ZBTB44: variants seen among roughly 807,000 people sequenced by gnomAD.
ZBTB44 encodes zinc finger and BTB domain-containing protein 44.
A neutral mutation model predicts 54.0 loss-of-function variants in ZBTB44; 15 were observed. That is an observed-to-expected ratio of 0.28 (90% CI 0.19 to 0.43). The LOEUF (loss-of-function observed/expected upper bound fraction) is 0.43. Among genes scored for constraint, ZBTB44 ranks in the 20% least tolerant of loss-of-function variants. ZBTB44 has a pLI of 1.00. For synonymous variants in ZBTB44, 230 were observed against 250.1 expected, an observed-to-expected ratio of 0.92 and a Z score of 0.76; for missense variants, 487 against 707.1, an observed-to-expected ratio of 0.69 and a Z score of 3.53.
chr11:130,254,559 A>C (rs1443274182), intron 2 of ZBTB44, among the ~76,000 whole-genome samples: 1 of 152,138 alleles, frequency 6.6e-6, no homozygotes, highest in Admixed American at 6.5e-5. Context: ...GGTGATCATT[A>C]AAAAGTCAGG....
At chr11:130,234,333 A>G (rs1954014545) in intron 5 of ZBTB44, 60 bp from the exon 6 acceptor site, 1 of 1,442,496 alleles carries the variant, frequency 6.9e-7, no homozygotes, top group East Asian at 2.5e-5. Flanking sequence ...ATAGATAAGC[A>G]ACAGTAAAAA....
chr11:130,275,923 G>A (rs984320460), intron 1 of ZBTB44, among the ~76,000 whole-genome samples: 3 of 149,862 alleles, frequency 2.0e-5, no homozygotes, highest in Non-Finnish European at 4.4e-5. Context: ...ACCGCGCCAG[G>A]TCATTTGCAT....
chr11:130,240,896 A>T (rs1429205273), intron 2 of ZBTB44, among the ~76,000 whole-genome samples: 1 of 152,220 alleles, frequency 6.6e-6, no homozygotes, highest in Non-Finnish European at 1.5e-5. Flanking sequence ...TGTGGCAGTT[A>T]TGTCTAAAAC....
At chr11:130,246,351 CTTAAA>C (rs556535133) in intron 2 of ZBTB44, among the ~76,000 whole-genome samples, 138 of 152,076 alleles carry the variant, frequency 9.1e-4, no homozygotes, top group African/African-American at 3.1e-3. Context: ...AGTGATGTTT[CTTAAA>C]TTATTAAAAT....
chr11:130,278,359 G>T (rs943335619), intron 1 of ZBTB44, among the ~76,000 whole-genome samples: 1 of 152,200 alleles, frequency 6.6e-6, no homozygotes. Context: ...CAGAGTGGTT[G>T]TAAGGGTACT....
intron 1 of ZBTB44, among the ~76,000 whole-genome samples, chr11:130,262,267 G>A (rs1265085298): frequency 6.6e-6 from 1 of 152,120 alleles, no homozygotes; most frequent in Non-Finnish European, 1.5e-5. Flanking sequence ...AGCCTCCCGA[G>A]TAGCTGGGAT....
At chr11:130,280,375 G>C (rs530708334) in intron 1 of ZBTB44, among the ~76,000 whole-genome samples, 1 of 152,216 alleles carries the variant, frequency 6.6e-6, no homozygotes, top group Admixed American at 6.5e-5. Flanking sequence ...CTAATCAAAA[G>C]AAAGCTGAAC....
intron 5 of ZBTB44, chr11:130,236,009 G>T: frequency 4.6e-6 from 4 of 876,618 alleles, no homozygotes; most frequent in East Asian, 8.3e-5. Context: ...TTCATTTTAT[G>T]AGAAACTAAG....
At chr11:130,241,451 A>G (rs769015463) in intron 2 of ZBTB44, among the ~76,000 whole-genome samples, 4 of 152,146 alleles carry the variant, frequency 2.6e-5, no homozygotes, top group Non-Finnish European at 5.9e-5. Context: ...GTCTTACAAT[A>G]TTTCATGGTG....
chr11:130,274,017 G>A (rs1475578817), intron 1 of ZBTB44, among the ~76,000 whole-genome samples: 4 of 151,838 alleles, frequency 2.6e-5, no homozygotes, highest in Non-Finnish European at 5.9e-5. Flanking sequence ...GAACCCAGGA[G>A]GCGGAGGTTT....
rs537169316 is a variant in ZBTB44, at chr11:130,288,906, A to G, written c.-57+25469T>C. Among the ~76,000 whole-genome samples the G allele has an allele frequency of 1.8e-3, 276 of 152,118 alleles. 2 individuals carry two copies. The South Asian group carries it at 0.025, about 14-fold the overall frequency. On this transcript the variant is annotated intron_variant, in intron 1 of 7. Transcript: ENST00000357899. ...AGCGAGACTCCGTCTTAAAAAAAAAAAAAAAGAAAAAGAAAATGAGGACAT... is the reference window on the plus strand; with the variant it reads ...AGCGAGACTCCGTCTTAAAAAAAAAGAAAAAGAAAAAGAAAATGAGGACAT...
chr11:130,270,487 G>A (rs1282683646), intron 1 of ZBTB44, among the ~76,000 whole-genome samples: 1 of 152,166 alleles, frequency 6.6e-6, no homozygotes, highest in Non-Finnish European at 1.5e-5. Context: ...TTACAGATGA[G>A]GAAACTGAGG....
chr11:130,275,108 T>C (rs1166324380), intron 1 of ZBTB44, among the ~76,000 whole-genome samples: 3 of 152,216 alleles, frequency 2.0e-5, no homozygotes, highest in Non-Finnish European at 2.9e-5. Context: ...AAATTTTTCA[T>C]AGTATTCTTT....
chr11:130,241,493 G>T (rs1339271166), intron 2 of ZBTB44, among the ~76,000 whole-genome samples: 1 of 152,010 alleles, frequency 6.6e-6, no homozygotes, highest in Non-Finnish European at 1.5e-5. Context: ...TAACTACTGG[G>T]GTGAATCTAG....
rs187381120 is a variant in ZBTB44 at position 130,281,162 on chromosome 11, A to C, written c.-56-19233T>G. 1.6e-4 allele frequency among the ~76,000 whole-genome samples: 25 copies of C among 152,348 alleles called. No homozygotes were observed. The East Asian group carries it at 2.9e-3, about 18-fold the overall frequency. ...TGCTTATAGGGAAATTCATTCCCTT[A>C]AATGATTATAATTAGAAAATGAGTA... is the stretch of plus-strand genomic sequence containing the variant. On this transcript the variant is annotated intron_variant, in intron 1 of 7. Transcript: ENST00000357899.
intron 2 of ZBTB44, among the ~76,000 whole-genome samples, chr11:130,260,058 A>G (rs188515543): frequency 7.9e-4 from 121 of 152,338 alleles, no homozygotes; most frequent in African/African-American, 2.9e-3. Flanking sequence ...ACTCTGCTAC[A>G]GTTAAGTTAC....
At chr11:130,266,830 G>C (rs1939281762) in intron 1 of ZBTB44, among the ~76,000 whole-genome samples, 1 of 152,206 alleles carries the variant, frequency 6.6e-6, no homozygotes, top group African/African-American at 2.4e-5. Context: ...GTGGTTTCTT[G>C]AGTTGGAGTC....
intron 1 of ZBTB44, chr11:130,296,469 G>A (rs1941655735): frequency 8.8e-7 from 1 of 1,130,420 alleles, no homozygotes; most frequent in Non-Finnish European, 1.3e-6. Context: ...CTGCAACACA[G>A]ATTTGGGAAC....
At chr11:130,264,901 A>G (rs182208295) in intron 1 of ZBTB44, among the ~76,000 whole-genome samples, 64 of 152,306 alleles carry the variant, frequency 4.2e-4, no homozygotes, top group African/African-American at 1.5e-3. Flanking sequence ...GCTTGTGCTC[A>G]CTTCACATTT....
Sources: allele counts gnomAD v4.1 joint callset (sites outside exome capture counted in the v4.1 genomes callset), GRCh38; gene constraint gnomAD v4.1.1; transcripts MANE v1.5; gene names NCBI Gene and HGNC (gene_info 2026-07-23, HGNC 2026-07-21).